The following ST6GALNAC3 variants were observed in gnomAD, a reference collection of about 807,000 sequenced individuals.
The protein encoded by ST6GALNAC3 is alpha-N-acetylgalactosaminide alpha-2,6-sialyltransferase 3.
A neutral mutation model predicts 32.7 loss-of-function variants in ST6GALNAC3; 25 were observed. The observed-to-expected ratio is 0.76, with a 90% CI of 0.56 to 1.07. The LOEUF is 1.07. Ranked by LOEUF, ST6GALNAC3 falls within the 50% of genes least tolerant of loss-of-function variation. The pLI, the probability that ST6GALNAC3 is intolerant of heterozygous loss-of-function variation, is 0.00. For synonymous variants in ST6GALNAC3, 129 were observed against 133.1 expected (o/e 0.97, Z 0.21); for missense variants, 355 against 382.4 (o/e 0.93, Z 0.60).
At chr1:76,307,912 A>C (rs913220511) in intron 1 of ST6GALNAC3, 11 of 516,582 alleles carry the variant, frequency 2.1e-5, no homozygotes, top group Non-Finnish European at 2.7e-5. Flanking sequence ...ATGAAGTCTG[A>C]TAAATGATAT....
chr1:76,270,200 T>C (rs975390813), intron 1 of ST6GALNAC3, among the ~76,000 whole-genome samples: 2 of 152,192 alleles, frequency 1.3e-5, no homozygotes, highest in Non-Finnish European at 2.9e-5. Context: ...GTATATTTAC[T>C]TGACAAAATG....
intron 3 of ST6GALNAC3, among the ~76,000 whole-genome samples, chr1:76,590,165 A>G (rs976547566): frequency 1.3e-5 from 2 of 152,224 alleles, no homozygotes; most frequent in Non-Finnish European, 2.9e-5. Flanking sequence ...ACTGGGATCC[A>G]TAGATCTCTC....
chr1:76,266,837 G>A (rs1167819813), intron 1 of ST6GALNAC3, among the ~76,000 whole-genome samples: 1 of 152,186 alleles, frequency 6.6e-6, no homozygotes, highest in Non-Finnish European at 1.5e-5. Flanking sequence ...CCAGCCATGT[G>A]TTAGGCTCTG....
intron 1 of ST6GALNAC3, among the ~76,000 whole-genome samples, chr1:76,238,824 TACTG>T (rs1656805428): frequency 6.6e-6 from 1 of 152,194 alleles, no homozygotes; most frequent in African/African-American, 2.4e-5. Context: ...ATCCTATACT[TACTG>T]ACAACGTCTA....
At chr1:76,314,383 A>G (rs1646826815) in intron 2 of ST6GALNAC3, among the ~76,000 whole-genome samples, 1 of 152,108 alleles carries the variant, frequency 6.6e-6, no homozygotes, top group African/African-American at 2.4e-5. Flanking sequence ...TAGAACTTCA[A>G]AAATGCATTT....
At chr1:76,290,162 T>C (rs1360622525) in intron 1 of ST6GALNAC3, among the ~76,000 whole-genome samples, 1 of 152,254 alleles carries the variant, frequency 6.6e-6, no homozygotes, top group African/African-American at 2.4e-5. Context: ...CACATCTGGT[T>C]CCAGTTCCCT....
intron 1 of ST6GALNAC3, among the ~76,000 whole-genome samples, chr1:76,267,180 T>G (rs915644981): frequency 9.2e-5 from 14 of 152,232 alleles, no homozygotes; most frequent in Non-Finnish European, 1.3e-4. Flanking sequence ...CCCGGAACTT[T>G]TGATCCGCAA....
intron 3 of ST6GALNAC3, among the ~76,000 whole-genome samples, chr1:76,558,283 A>G (rs1214956624): frequency 6.6e-6 from 1 of 152,174 alleles, no homozygotes; most frequent in African/African-American, 2.4e-5. Context: ...ACCAAATGAC[A>G]CCTGCACTCA....
Position 76,074,787 on chromosome 1 carries a change from C to G in ST6GALNAC3, c.-80C>G, listed in dbSNP as rs1308739031. 103 of 1,502,674 alleles carry G rather than the reference C, an allele frequency of 6.9e-5. No individual in the cohort carries two copies. The highest frequency in any genetic ancestry group is 9.3e-5 in the Non-Finnish European group (103 of 1,109,590). 93.1% of individuals were successfully genotyped at this position (1,502,674 alleles called of 1,614,324 possible). A position where few individuals can be genotyped will look rare whatever the true frequency, so the allele number is the denominator to read the frequency against. ...GGGCTGGAGAGGTCCTGCCGTGGTACCAGCCTCCAGCCTGCCCCCAGGACT... is the reference window on the plus strand; with the variant it reads ...GGGCTGGAGAGGTCCTGCCGTGGTAGCAGCCTCCAGCCTGCCCCCAGGACT... On this transcript the variant is annotated 5_prime_UTR_variant, in exon 1 of 5. It introduces an in-frame stop codon into an upstream open reading frame of the 5' UTR. Transcript: ENST00000328299.
intron 1 of ST6GALNAC3, among the ~76,000 whole-genome samples, chr1:76,249,876 G>T (rs184236088): frequency 7.9e-5 from 12 of 152,166 alleles, no homozygotes; most frequent in Admixed American, 1.3e-4. Context: ...ATCTTTTCAT[G>T]TGTTTATTAG....
At chr1:76,376,249 C>T (rs1191935930) in intron 2 of ST6GALNAC3, among the ~76,000 whole-genome samples, 1 of 152,086 alleles carries the variant, frequency 6.6e-6, no homozygotes, top group Admixed American at 6.6e-5. Flanking sequence ...TTTAATGTCA[C>T]AATTAGAAAG....
chr1:76,476,419 T>G (rs1446613607), intron 3 of ST6GALNAC3, among the ~76,000 whole-genome samples: 4 of 152,162 alleles, frequency 2.6e-5, no homozygotes, highest in Non-Finnish European at 4.4e-5. Context: ...CTAGTATAAA[T>G]TTGTCTTGTT....
At chr1:76,453,893 A>T (rs1390204371) in intron 3 of ST6GALNAC3, among the ~76,000 whole-genome samples, 1 of 152,082 alleles carries the variant, frequency 6.6e-6, no homozygotes, top group Non-Finnish European at 1.5e-5. Context: ...ATCCCCCACT[A>T]TTATTGTGTT....
intron 3 of ST6GALNAC3, among the ~76,000 whole-genome samples, chr1:76,485,105 G>A (rs1178138840): frequency 2.0e-5 from 3 of 152,154 alleles, no homozygotes; most frequent in African/African-American, 7.2e-5. Flanking sequence ...TTTTTGATGT[G>A]CTGCTGGATT....
intron 3 of ST6GALNAC3, among the ~76,000 whole-genome samples, chr1:76,538,107 A>G (rs192875): frequency 0.18 from 27,738 of 152,014 alleles, 4,109 homozygotes; most frequent in African/African-American, 0.41. Flanking sequence ...GAACATCGAC[A>G]CAAAAATCCT....
intron 3 of ST6GALNAC3, among the ~76,000 whole-genome samples, chr1:76,516,746 T>A (rs1662196548): frequency 6.6e-6 from 1 of 152,114 alleles, no homozygotes; most frequent in African/African-American, 2.4e-5. Flanking sequence ...ACACAGCATA[T>A]GTCTCTTAGT....
intron 3 of ST6GALNAC3, among the ~76,000 whole-genome samples, chr1:76,522,256 G>T (rs1297766891): frequency 1.3e-5 from 2 of 151,934 alleles, no homozygotes; most frequent in Admixed American, 6.6e-5. Flanking sequence ...GTTTTTCTAT[G>T]ATATGCCTTA....
intron 1 of ST6GALNAC3, among the ~76,000 whole-genome samples, chr1:76,250,076 C>A (rs1226663079): frequency 6.6e-6 from 1 of 152,054 alleles, no homozygotes; most frequent in Non-Finnish European, 1.5e-5. Context: ...TTGATGGTAT[C>A]TTTTGAAGCA....
At chr1:76,443,034 A>C (rs1280769919) in intron 3 of ST6GALNAC3, among the ~76,000 whole-genome samples, 1 of 152,170 alleles carries the variant, frequency 6.6e-6, no homozygotes, top group African/African-American at 2.4e-5. Flanking sequence ...CACAATTATT[A>C]TTCTTCAAGA....
Sources: gnomAD v4.1 joint callset for allele counts (sites outside exome capture counted in the v4.1 genomes callset) on GRCh38, gnomAD v4.1.1 for gene constraint, MANE v1.5 for transcripts, NCBI Gene and HGNC (gene_info 2026-07-23, HGNC 2026-07-21) for gene names.